Variants in SLK observed in about 807,000 individuals in gnomAD.
SLK encodes STE20 like kinase.
In SLK, 67 loss-of-function variants were observed where a neutral mutation model predicts 147.7. That is an observed-to-expected ratio of 0.45 (90% CI 0.37 to 0.56). SLK has a LOEUF of 0.56. Among genes scored for constraint, SLK ranks in the 20% least tolerant of loss-of-function variants. SLK has a pLI of 0.00. For synonymous variants in SLK, 441 were observed against 475.0 expected (o/e 0.93, Z 0.93); for missense variants, 1,136 against 1,438.8 (o/e 0.79, Z 3.41).
chr10:103,991,946 A>G (rs1011618705), intron 2 of SLK, among the ~76,000 whole-genome samples: 2 of 151,902 alleles, frequency 1.3e-5, no homozygotes, highest in Non-Finnish European at 2.9e-5. Flanking sequence ...AATTTAGACA[A>G]CTGTGAGGGG....
chr10:104,008,810 T>TC, intron 12 of SLK, among the ~76,000 whole-genome samples: 1 of 152,366 alleles, frequency 6.6e-6, no homozygotes, highest in Non-Finnish European at 1.5e-5. Flanking sequence ...AAGTTATTTT[T>TC]CATCTTTAAT....
rs1358280026 is a variant in SLK at position 103,992,809 on chromosome 10, C to T, written c.364+163C>T. 5.7e-5 allele frequency among the ~76,000 whole-genome samples: 3 copies of T among 52,276 alleles called. No individual in the cohort carries two copies. In the East Asian group the frequency reaches 4.5e-3, roughly 78 times the overall value. 34.3% of individuals were successfully genotyped at this position (52,276 alleles called of 152,430 possible). The stretch of plus-strand genomic sequence containing the variant: ...ATTCTTGGATAATTATAGTAAAATT[C>T]TAAAATGAAATGTTGAGTGTGTCAA... On this transcript the variant is annotated intron_variant, in intron 3 of 18. Coordinates refer to ENST00000369755, the MANE Select transcript of SLK (RefSeq NM_014720.4).
At chr10:103,983,359 T>C (rs1843970801) in intron 1 of SLK, among the ~76,000 whole-genome samples, 1 of 152,166 alleles carries the variant, frequency 6.6e-6, no homozygotes, top group African/African-American at 2.4e-5. Context: ...TTTTGGAACT[T>C]TGGATATTTA....
intron 1 of SLK, among the ~76,000 whole-genome samples, chr10:103,969,831 T>C (rs1314438907): frequency 6.6e-6 from 1 of 152,262 alleles, no homozygotes; most frequent in Non-Finnish European, 1.5e-5. Context: ...CTTAGGAGTT[T>C]AGATTCTTTC....
At chr10:103,992,348 T>C (rs1444079130) in intron 2 of SLK, among the ~76,000 whole-genome samples, 1 of 151,994 alleles carries the variant, frequency 6.6e-6, no homozygotes, top group African/African-American at 2.4e-5. Context: ...CTGGTAGTTG[T>C]AGAGAAGCAG....
At chr10:103,968,046 A>G in intron 1 of SLK, 151 bp downstream of exon 1, 1 of 792,930 alleles carries the variant, frequency 1.3e-6, no homozygotes, top group East Asian at 2.8e-5. Context: ...TCATCCAAGG[A>G]GTAGCTAAGA....
Position 104,001,585 on chromosome 10 carries a change from G to T in SLK, c.993+13G>T. 6.2e-7 allele frequency: 1 copy of T among 1,613,414 alleles called. No individual in the cohort carries two copies. The highest frequency in any genetic ancestry group is 1.1e-5 in the South Asian group (1 of 90,988). The stretch of plus-strand genomic sequence containing the variant: ...AGAAAATTCTCTGGTCAGTATTTAG[G>T]AAAGAAATTTCATTTAGTGAATAGA... On this transcript the variant is annotated intron_variant, in intron 8 of 18. Transcript: ENST00000369755.
intron 1 of SLK, among the ~76,000 whole-genome samples, chr10:103,971,313 C>T (rs1388580762): frequency 6.6e-6 from 1 of 152,080 alleles, no homozygotes; most frequent in Non-Finnish European, 1.5e-5. Context: ...CCCTCTCTGT[C>T]GCCCAGGCTG....
intron 1 of SLK, among the ~76,000 whole-genome samples, chr10:103,972,561 A>G (rs998445343): frequency 1.3e-5 from 2 of 151,988 alleles, no homozygotes; most frequent in African/African-American, 4.8e-5. Flanking sequence ...AGTCCCAGCT[A>G]CTCGGGAGGC....
At chr10:104,022,165 C>T (rs1046858923) in intron 18 of SLK, among the ~76,000 whole-genome samples, 2 of 151,906 alleles carry the variant, frequency 1.3e-5, no homozygotes, top group Non-Finnish European at 2.9e-5. Context: ...AATTGTAGAT[C>T]GTTCTCTGAC....
Position 104,003,651 on chromosome 10 carries a change from C to G in SLK, c.2349+124C>G, listed in dbSNP as rs575369425. The G allele has an allele frequency of 8.5e-6, 7 of 821,310 alleles. No individual in the cohort carries two copies. In the African/African-American group the frequency reaches 1.2e-4, roughly 14 times the overall value. The allele number at this position is 821,310 out of a possible 1,614,324, so 50.9% of individuals were successfully genotyped here. The stretch of plus-strand genomic sequence containing the variant: ...TAATGTAGTATTAACAATATAAATT[C>G]TTACAGCCTATGAAAGCAATTAAAA... On this transcript the variant is annotated intron_variant, in intron 9 of 18. Coordinates refer to ENST00000369755, the MANE Select transcript of SLK (RefSeq NM_014720.4).
chr10:103,991,006 T>C (rs1387646508), intron 2 of SLK, among the ~76,000 whole-genome samples, 167 bp downstream of exon 2: 2 of 152,238 alleles, frequency 1.3e-5, no homozygotes, highest in Non-Finnish European at 2.9e-5. Flanking sequence ...AACAAAGTTA[T>C]TCTCAGCTTC....
intron 1 of SLK, among the ~76,000 whole-genome samples, chr10:103,979,038 C>G (rs1183201023): frequency 2.0e-5 from 3 of 151,924 alleles, no homozygotes; most frequent in Non-Finnish European, 4.4e-5. Context: ...TTTTTTGAGA[C>G]AGGGTCTCAC....
intron 1 of SLK, among the ~76,000 whole-genome samples, chr10:103,968,295 G>A (rs1843745628): frequency 6.6e-6 from 1 of 152,172 alleles, no homozygotes; most frequent in Non-Finnish European, 1.5e-5. Flanking sequence ...CAACAGTTCT[G>A]TTTTTAGGGT....
intron 1 of SLK, among the ~76,000 whole-genome samples, chr10:103,982,987 G>A (rs560206319): frequency 1.3e-5 from 2 of 152,286 alleles, no homozygotes; most frequent in Non-Finnish European, 1.5e-5. Flanking sequence ...GTAAAATAAA[G>A]AAAGGAGAAT....
rs143875505 is a variant in SLK at position 104,025,999 on chromosome 10, C to CTGAA, written c.*280_*283dup. The CTGAA allele has an allele frequency of 0.15, 41,652 of 284,210 alleles. 3,477 individuals carry two copies. The highest frequency in any genetic ancestry group is 0.17 in the South Asian group (1,129 of 6,840). The allele number at this position is 284,210 out of a possible 1,614,324, so 17.6% of individuals were successfully genotyped here. On this transcript the variant is annotated 3_prime_UTR_variant, in exon 19 of 19. Transcript: ENST00000369755. ...AATTATGTTCTTTAGACACTGCTAC[C>CTGAA]TGAAAACTGTTGGAGAAATAATGTT...
In SLK at chr10:103,995,422, T is replaced by TC. The variant is rs1554843125; in HGVS notation, c.514+2290dup. Among the ~76,000 whole-genome samples, 12 of 91,290 alleles carry TC rather than the reference T, an allele frequency of 1.3e-4. No individual in the cohort carries two copies. The South Asian group carries it at 2.2e-3, about 16-fold the overall frequency. The allele number at this position is 91,290 out of a possible 152,430, so 59.9% of individuals were successfully genotyped here. A position where few individuals can be genotyped will look rare whatever the true frequency, so the allele number is the denominator to read the frequency against. On this transcript the variant is annotated intron_variant, in intron 4 of 18. Transcript: ENST00000369755. ...CATTTCTTTTTTCTTTTCTTTCTTT[T>TC]CTTTTTTTTTTTTTTTTTTTTTTGA...
At position 104,028,206 on chromosome 10, in the gene SLK, G is replaced by A. The variant is rs1844623285; in HGVS notation, c.*2486G>A. ...GTACAGTCAAATCTACTGCTGATTTGGTTGTTTTGTTGCTGTGGCAGAATA... is the reference window on the plus strand; with the variant it reads ...GTACAGTCAAATCTACTGCTGATTTAGTTGTTTTGTTGCTGTGGCAGAATA... On this transcript the variant is annotated 3_prime_UTR_variant, in exon 19 of 19. Coordinates refer to ENST00000369755, the MANE Select transcript of SLK (RefSeq NM_014720.4). The A allele has an allele frequency of 6.6e-6, 1 of 152,086 alleles. No homozygotes were observed. The highest frequency in any genetic ancestry group is 1.5e-5 in the Non-Finnish European group (1 of 68,034). 9.4% of individuals were successfully genotyped at this position (152,086 alleles called of 1,614,324 possible). A position where few individuals can be genotyped will look rare whatever the true frequency, so the allele number is the denominator to read the frequency against.
chr10:104,004,265 G>T (rs953021700), intron 9 of SLK, among the ~76,000 whole-genome samples: 3 of 152,118 alleles, frequency 2.0e-5, no homozygotes, highest in Non-Finnish European at 4.4e-5. Context: ...CTGCCTATCT[G>T]CCCCAAATTC....
Sources: gnomAD v4.1 joint callset for allele counts (sites outside exome capture counted in the v4.1 genomes callset) on GRCh38, gnomAD v4.1.1 for gene constraint, MANE v1.5 for transcripts, NCBI Gene and HGNC (gene_info 2026-07-23, HGNC 2026-07-21) for gene names.